TXNRD1: variants seen among roughly 807,000 people sequenced by gnomAD.
TXNRD1 encodes thioredoxin reductase 1.
TXNRD1 carries 57 observed loss-of-function variants against 80.3 expected under a neutral mutation model. That is an observed-to-expected ratio of 0.71 (90% CI 0.57 to 0.89). The LOEUF is 0.89. Among genes scored for constraint, TXNRD1 ranks in the 40% least tolerant of loss-of-function variants. The pLI is 0.00. For synonymous variants in TXNRD1, 291 were observed against 285.2 expected (o/e 1.02, Z -0.20); for missense variants, 730 against 803.0 (o/e 0.91, Z 1.10).
intron 1 of TXNRD1, among the ~76,000 whole-genome samples, chr12:104,241,616 C>T (rs2032868432): frequency 6.6e-6 from 1 of 152,226 alleles, no homozygotes; most frequent in South Asian, 2.1e-4. Context: ...GATTTGCCCG[C>T]CTCAGCCTCC....
intron 3 of TXNRD1, 126 bp from the exon 4 acceptor site, chr12:104,288,805 A>C (rs1435861496): frequency 6.3e-7 from 1 of 1,593,380 alleles, no homozygotes; most frequent in Admixed American, 1.8e-5. Flanking sequence ...CTAACTTGCA[A>C]GGGAGTCAAC....
chr12:104,337,848 G>A (rs1464520440), intron 15 of TXNRD1, among the ~76,000 whole-genome samples: 2 of 151,542 alleles, frequency 1.3e-5, no homozygotes, highest in Admixed American at 6.6e-5. Context: ...GTGCAGTGGT[G>A]TGATCATAGC....
Position 104,325,374 on chromosome 12 carries a change from G to A in TXNRD1, c.1253G>A (p.Arg418Lys), listed in dbSNP as rs537451137. 44 of 1,613,522 alleles carry A rather than the reference G, an allele frequency of 2.7e-5. No individual in the cohort carries two copies. The highest frequency in any genetic ancestry group is 5.3e-5 in the African/African-American group (4 of 75,044). ...GAAGCAGGGACACCAGGCCGACTCA[G>A]AGTAGTAGCTCAGTCCACCAATAGT... ...QIEAGTPGRL[R>K]VVAQSTNSEE... Residue 418 changes from arginine (R) to lysine (K), a missense_variant, in exon 11 of 17, where the codon AGA becomes AAA. By Grantham distance (26) the Arg-to-Lys change is conservative (BLOSUM62 2). Coordinates refer to ENST00000525566, the MANE Select transcript of TXNRD1 (RefSeq NM_001093771.3).
At chr12:104,283,104 G>A (rs1419540653) in intron 3 of TXNRD1, 1 of 152,174 alleles carries the variant, frequency 6.6e-6, no homozygotes, top group Admixed American at 6.5e-5. Flanking sequence ...CTAACTTCAA[G>A]AGTGATGTTC....
intron 4 of TXNRD1, among the ~76,000 whole-genome samples, chr12:104,290,268 A>T (rs1044116017): frequency 6.6e-6 from 1 of 152,206 alleles, no homozygotes; most frequent in Non-Finnish European, 1.5e-5. Flanking sequence ...TAGGGAATGG[A>T]TCTAGACTTC....
chr12:104,291,492 T>TC (rs1490277064), intron 4 of TXNRD1, among the ~76,000 whole-genome samples: 2 of 146,912 alleles, frequency 1.4e-5, no homozygotes, highest in African/African-American at 2.5e-5. Flanking sequence ...TTTTTTTTTT[T>TC]TTTTTTTTTG....
At chr12:104,347,697 A>G (rs1379429189) in intron 16 of TXNRD1, among the ~76,000 whole-genome samples, 1 of 152,254 alleles carries the variant, frequency 6.6e-6, no homozygotes, top group African/African-American at 2.4e-5. Context: ...TGTGTGATTC[A>G]TATTCACTAG....
chr12:104,278,911 A>G (rs796561304), intron 3 of TXNRD1, among the ~76,000 whole-genome samples: 3 of 152,356 alleles, frequency 2.0e-5, no homozygotes, highest in African/African-American at 7.2e-5. Flanking sequence ...GATGGAATAT[A>G]CAAATTAACT....
chr12:104,251,515 C>T lies in TXNRD1; in HGVS notation c.92-12C>T. The T allele has an allele frequency of 6.2e-7, 1 of 1,612,334 alleles. No homozygotes were observed. The highest frequency in any genetic ancestry group is 8.5e-7 in the Non-Finnish European group (1 of 1,179,108). On this transcript the variant is annotated splice_polypyrimidine_tract_variant and intron_variant, in intron 1 of 16. Coordinates refer to ENST00000525566, the MANE Select transcript of TXNRD1 (RefSeq NM_001093771.3). ...TTGTGATAATTACCATCCTTACTTC[C>T]ATTACTTCTAGCTAAAGATCATCAC...
intron 3 of TXNRD1, chr12:104,287,121 G>T: frequency 2.0e-6 from 3 of 1,491,926 alleles, no homozygotes; most frequent in Non-Finnish European, 2.7e-6. Context: ...TAAGCTCTGC[G>T]TCGGGTGAAA....
intron 13 of TXNRD1, among the ~76,000 whole-genome samples, chr12:104,330,333 T>G (rs1003555361): frequency 6.6e-6 from 1 of 152,216 alleles, no homozygotes; most frequent in Non-Finnish European, 1.5e-5. Flanking sequence ...TTTTTCACAA[T>G]TCACAGCATA....
At chr12:104,313,515 CAG>C (rs1235241392) in intron 6 of TXNRD1, among the ~76,000 whole-genome samples, 198 bp downstream of exon 6, 1 of 152,186 alleles carries the variant, frequency 6.6e-6, no homozygotes, top group Non-Finnish European at 1.5e-5. Flanking sequence ...TTCTTTGGCA[CAG>C]AGTCAAGAAG....
At chr12:104,320,057 C>T (rs2035473027) in intron 9 of TXNRD1, among the ~76,000 whole-genome samples, 1 of 152,206 alleles carries the variant, frequency 6.6e-6, no homozygotes. Flanking sequence ...AATCTAGACC[C>T]TACTCAATGC....
At chr12:104,334,398 T>G in intron 15 of TXNRD1, 66 bp downstream of exon 15, 1 of 1,034,552 alleles carries the variant, frequency 9.7e-7, no homozygotes, top group Non-Finnish European at 1.3e-6. Context: ...GTTGTTTTTT[T>G]TTTAGATGGA....
intron 3 of TXNRD1, chr12:104,280,723 A>T (rs747822862): frequency 6.6e-6 from 1 of 152,192 alleles, no homozygotes; most frequent in Non-Finnish European, 1.5e-5. Context: ...GAAAAGATGG[A>T]GGTTTCCCAA....
At chr12:104,252,663 TATATA>T (rs1428492388) in intron 2 of TXNRD1, among the ~76,000 whole-genome samples, 362 of 23,590 alleles carry the variant, frequency 0.015, 8 homozygotes, top group African/African-American at 0.055. Context: ...TATTATTTTT[TATATA>T]TATATATATA....
At chr12:104,341,289 GT>G (rs1378951697) in intron 16 of TXNRD1, among the ~76,000 whole-genome samples, 1 of 152,150 alleles carries the variant, frequency 6.6e-6, no homozygotes, top group Admixed American at 6.5e-5. Flanking sequence ...CTGATACTTT[GT>G]TTTCCCCAAG....
chr12:104,269,538 T>A lies in TXNRD1; in HGVS notation c.304+11459T>A, dbSNP rs543102173. Among the ~76,000 whole-genome samples the A allele has an allele frequency of 2.0e-5, 3 of 151,978 alleles. No homozygotes were observed. The South Asian group carries it at 6.2e-4, about 32-fold the overall frequency. ...CCTCAGCCTCTCAAGTACTTGGGAC[T>A]ACAGGCACATGCTACCACACCTAGC... is the stretch of plus-strand genomic sequence containing the variant. On this transcript the variant is annotated intron_variant, in intron 3 of 16. Transcript: ENST00000525566.
intron 4 of TXNRD1, among the ~76,000 whole-genome samples, chr12:104,295,394 C>G (rs2034403377): frequency 6.6e-6 from 1 of 152,332 alleles, no homozygotes; most frequent in South Asian, 2.1e-4. Context: ...CCTCCCACTT[C>G]TGATCTCCCT....
Sources: gnomAD v4.1 joint callset for allele counts (sites outside exome capture counted in the v4.1 genomes callset) on GRCh38, gnomAD v4.1.1 for gene constraint, MANE v1.5 for transcripts, NCBI Gene and HGNC (gene_info 2026-07-23, HGNC 2026-07-21) for gene names.